The following PIP5K1A variants were observed in gnomAD, a reference collection of about 807,000 sequenced individuals.
PIP5K1A encodes phosphatidylinositol 4-phosphate 5-kinase type-1 alpha.
In PIP5K1A, 46 loss-of-function variants were observed where a neutral mutation model predicts 72.9. The ratio of observed to expected loss-of-function variants is 0.63; its 90% confidence interval spans 0.50 to 0.81. The LOEUF is 0.81. Among genes scored for constraint, PIP5K1A ranks in the 30% least tolerant of loss-of-function variants. The pLI, the probability that PIP5K1A is intolerant of heterozygous loss-of-function variation, is 0.00. For synonymous variants in PIP5K1A, 228 were observed against 255.1 expected, an observed-to-expected ratio of 0.89 and a Z score of 1.01; for missense variants, 458 against 706.1, an observed-to-expected ratio of 0.65 and a Z score of 3.98.
At chr1:151,205,026 T>G (rs933003716) in intron 1 of PIP5K1A, among the ~76,000 whole-genome samples, 6 of 152,232 alleles carry the variant, frequency 3.9e-5, no homozygotes, top group African/African-American at 1.4e-4. Context: ...TATTAAATAT[T>G]TTATTAGCCT....
At chr1:151,220,869 C>T (rs1402586388) in intron 1 of PIP5K1A, among the ~76,000 whole-genome samples, 2 of 152,206 alleles carry the variant, frequency 1.3e-5, no homozygotes, top group South Asian at 2.1e-4. Flanking sequence ...GCCCAGTCCT[C>T]ATGGGATTTC....
At position 151,249,216 on chromosome 1, in the gene PIP5K1A, A is replaced by G. The variant is rs1000698433; in HGVS notation, c.*1351A>G. 14 of 152,038 alleles carry G rather than the reference A, an allele frequency of 9.2e-5. No individual in the cohort carries two copies. The highest frequency in any genetic ancestry group is 3.1e-4 in the African/African-American group (13 of 41,372). The allele number at this position is 152,038 out of a possible 1,614,324, so 9.4% of individuals were successfully genotyped here. A position where few individuals can be genotyped will look rare whatever the true frequency, so the allele number is the denominator to read the frequency against. On this transcript the variant is annotated 3_prime_UTR_variant, in exon 16 of 16. Coordinates refer to ENST00000368888, the MANE Select transcript of PIP5K1A (RefSeq NM_001135638.2). ...TAGCCCATACCCCAAATAACTGTCT[A>G]TATTAGACACCCCCAGCCAGTTTCT... is the stretch of plus-strand genomic sequence containing the variant.
intron 12 of PIP5K1A, 147 bp downstream of exon 12, chr1:151,240,186 C>T (rs1691488430): frequency 1.5e-6 from 1 of 660,496 alleles, no homozygotes; most frequent in African/African-American, 1.9e-5. Context: ...CATTTCTTGT[C>T]CTTTGTGTTA....
chr1:151,224,106 A>G, intron 1 of PIP5K1A, 139 bp from the exon 2 acceptor site: 1 of 773,598 alleles, frequency 1.3e-6, no homozygotes, highest in Admixed American at 2.0e-5. Context: ...TTGCTATCCA[A>G]AAGGATCTGG....
chr1:151,236,830 T>TA, intron 9 of PIP5K1A, 67 bp downstream of exon 9: 1 of 1,076,654 alleles, frequency 9.3e-7, no homozygotes, highest in South Asian at 1.6e-5. Flanking sequence ...TCTTTTTTTT[T>TA]TTTTTTTTTT....
intron 1 of PIP5K1A, among the ~76,000 whole-genome samples, chr1:151,201,056 G>T (rs1045519248): frequency 6.6e-6 from 1 of 152,188 alleles, no homozygotes; most frequent in East Asian, 1.9e-4. Flanking sequence ...GGATGGTCTC[G>T]ATCTCCTGAC....
At chr1:151,224,139 G>A in intron 1 of PIP5K1A, 106 bp from the exon 2 acceptor site, 1 of 1,005,350 alleles carries the variant, frequency 9.9e-7, no homozygotes, top group Non-Finnish European at 1.6e-6. Flanking sequence ...AGAGGCAGGA[G>A]TTTATACTTA....
intron 15 of PIP5K1A, among the ~76,000 whole-genome samples, chr1:151,247,300 T>G (rs1049651876): frequency 6.6e-6 from 1 of 152,040 alleles, no homozygotes; most frequent in Non-Finnish European, 1.5e-5. Context: ...GGCTAATTTT[T>G]TATTTTTTAG....
At chr1:151,224,221 T>C (rs1349852873) in intron 1 of PIP5K1A, 24 bp from the exon 2 acceptor site, 9 of 1,607,850 alleles carry the variant, frequency 5.6e-6, no homozygotes, top group East Asian at 2.2e-5. Context: ...TACACTCTTA[T>C]GATTGTTTTT....
At chr1:151,225,161 C>T (rs1431209550) in intron 3 of PIP5K1A, among the ~76,000 whole-genome samples, 1 of 151,998 alleles carries the variant, frequency 6.6e-6, no homozygotes, top group African/African-American at 2.4e-5. Context: ...ATAGTGAGAC[C>T]CTGGTTCTAC....
chr1:151,237,483 A>G (rs1691057200), intron 9 of PIP5K1A, among the ~76,000 whole-genome samples: 1 of 152,160 alleles, frequency 6.6e-6, no homozygotes, highest in Admixed American at 6.5e-5. Flanking sequence ...CATCATGATG[A>G]GACCTCATCA....
intron 11 of PIP5K1A, 43 bp downstream of exon 11, chr1:151,239,221 C>G (rs1345054227): frequency 7.9e-7 from 1 of 1,268,712 alleles, no homozygotes; most frequent in East Asian, 2.3e-5. Flanking sequence ...ACACTTCTGC[C>G]TCCATCACTT....
chr1:151,227,891 A>G (rs1464174430), intron 4 of PIP5K1A, among the ~76,000 whole-genome samples: 1 of 152,190 alleles, frequency 6.6e-6, no homozygotes, highest in Non-Finnish European at 1.5e-5. Flanking sequence ...TCCATCTCAA[A>G]AGAAAAAAAA....
Position 151,246,945 on chromosome 1 carries a change from G to A in PIP5K1A, c.1666G>A (p.Ala556Thr). 1.9e-6 allele frequency: 3 copies of A among 1,613,458 alleles called. No individual in the cohort carries two copies. The highest frequency in any genetic ancestry group is 2.5e-6 in the Non-Finnish European group (3 of 1,179,508). The change falls in exon 15 of 16, where the codon GCA becomes ACA. Residue 556 changes from alanine (A) to threonine (T), a missense_variant. By Grantham distance (58) the Ala-to-Thr change is moderately conservative. Around this residue, in one of 3 missense-constraint regions of PIP5K1A, gnomAD observed 157 missense variants for 175.5 expected, o/e 0.89. Coordinates refer to ENST00000368888, the MANE Select transcript of PIP5K1A (RefSeq NM_001135638.2). ...TACAACCTTGGAAAAGCTTGAAGTT[G>A]CAGAGTCAGAGTTCACCCATGTGAG... ...TSTTLEKLEV[A>T]ESEFTH
chr1:151,207,019 A>G (rs1215302285), intron 1 of PIP5K1A, among the ~76,000 whole-genome samples: 1 of 151,332 alleles, frequency 6.6e-6, no homozygotes, highest in East Asian at 1.9e-4. Flanking sequence ...ACAGGTACAC[A>G]CCAACATGCC....
At chr1:151,221,334 C>A (rs1186982644) in intron 1 of PIP5K1A, among the ~76,000 whole-genome samples, 2 of 152,164 alleles carry the variant, frequency 1.3e-5, no homozygotes, top group Non-Finnish European at 1.5e-5. Context: ...AATAATTTGG[C>A]ATTAAACTAA....
At chr1:151,209,602 G>A (rs1197823064) in intron 1 of PIP5K1A, among the ~76,000 whole-genome samples, 1 of 152,076 alleles carries the variant, frequency 6.6e-6, no homozygotes, top group East Asian at 1.9e-4. Context: ...ACCATACCTG[G>A]CTAATTTTGT....
At position 151,224,236 on chromosome 1, in the gene PIP5K1A, C is replaced by T. The variant is rs1240040149; in HGVS notation, c.86-9C>T. On this transcript the variant is annotated splice_polypyrimidine_tract_variant and intron_variant, in intron 1 of 15. Coordinates refer to ENST00000368888, the MANE Select transcript of PIP5K1A (RefSeq NM_001135638.2). ...TACACTCTTATGATTGTTTTTTTTT[C>T]CCCCCTAGCAGCATCTGGAATCAAG... 165 of 1,545,478 alleles carry T rather than the reference C, an allele frequency of 1.1e-4. No homozygotes were observed. The highest frequency in any genetic ancestry group is 3.4e-4 in the Middle Eastern group (2 of 5,926).
chr1:151,228,470 A>G (rs1247931718), intron 4 of PIP5K1A, among the ~76,000 whole-genome samples: 2 of 152,164 alleles, frequency 1.3e-5, no homozygotes, highest in East Asian at 1.9e-4. Context: ...CCACAAAGAC[A>G]GTCATTTAGC....
Sources: gnomAD v4.1 joint callset for allele counts (sites outside exome capture counted in the v4.1 genomes callset) on GRCh38, gnomAD v4.1.1 for gene constraint, gnomAD v4.1.1 regional missense constraint, MANE v1.5 for transcripts, NCBI Gene and HGNC (gene_info 2026-07-23, HGNC 2026-07-21) for gene names.